The following PDE3B variants were observed in gnomAD, a reference collection of about 807,000 sequenced individuals.
The protein encoded by PDE3B is cGMP-inhibited 3',5'-cyclic phosphodiesterase 3B.
PDE3B carries 66 observed loss-of-function variants against 116.8 expected under a neutral mutation model. The ratio of observed to expected loss-of-function variants is 0.56; its 90% CI spans 0.46 to 0.69. The LOEUF is 0.69. PDE3B is among the 30% of genes least tolerant of loss of function. The pLI, the probability that PDE3B is intolerant of heterozygous loss-of-function variation, is 0.00. For synonymous variants in PDE3B, 595 were observed against 533.6 expected, an observed-to-expected ratio of 1.12 and a Z score of -1.59; for missense variants, 1,384 against 1,368.1, an observed-to-expected ratio of 1.01 and a Z score of -0.18.
intron 1 of PDE3B, among the ~76,000 whole-genome samples, chr11:14,684,521 G>A (rs542312471): frequency 2.0e-5 from 3 of 152,294 alleles, no homozygotes; most frequent in Admixed American, 6.5e-5. Context: ...AGCTGTGCAC[G>A]TATTATCTTG....
intron 7 of PDE3B, among the ~76,000 whole-genome samples, chr11:14,825,252 C>T (rs182547214): frequency 3.9e-5 from 6 of 152,270 alleles, no homozygotes; most frequent in African/African-American, 1.4e-4. Context: ...AACCAGGTAA[C>T]AGCACAATGA....
Position 14,644,625 on chromosome 11 carries a change from G to A in PDE3B, c.550G>A (p.Ala184Thr), listed in dbSNP as rs778669911. 1 of 1,524,344 alleles carries A rather than the reference G, an allele frequency of 6.6e-7. No homozygotes were observed. Among genetic ancestry groups the A allele is most frequent in the Admixed American group, 2.1e-5 (1 of 48,000 alleles). The allele number at this position is 1,524,344 out of a possible 1,614,324, so 94.4% of individuals were successfully genotyped here. ...WPWGDGDAGS[A>T]APHTPPEAAA... is the part of the protein sequence containing the mutation. Reference sequence around the variant, plus strand: ...TTGGGGGGATGGCGACGCAGGGTCCGCGGCCCCGCACACGCCCCCGGAGGC... The same window carrying A: ...TTGGGGGGATGGCGACGCAGGGTCCACGGCCCCGCACACGCCCCCGGAGGC... The change falls in exon 1 of 16, where the codon GCG becomes ACG. Residue 184 changes from alanine (A) to threonine (T), a missense_variant. This residue lies in a region of PDE3B where 956 missense variants were observed against 806.8 expected (regional missense o/e 1.18). Transcript: ENST00000282096.
At position 14,841,332 on chromosome 11, in the gene PDE3B, CCTCT is replaced by C. The variant is rs939289937; in HGVS notation, c.2321-2482_2321-2479del. Among the ~76,000 whole-genome samples the C allele has an allele frequency of 5.5e-5, 8 of 146,198 alleles. No homozygotes were observed. The East Asian group carries it at 5.9e-4, about 11-fold the overall frequency. ...CTTAAAATAAATCTCTCTCTCTCTC[CCTCT>C]CTCTCTCTCTCTATATATATATATA... On this transcript the variant is annotated intron_variant, in intron 11 of 15. Coordinates refer to ENST00000282096, the MANE Select transcript of PDE3B (RefSeq NM_000922.4).
Position 14,837,008 on chromosome 11 carries a change from T to C in PDE3B, c.2320+1913T>C, listed in dbSNP as rs528129731. Among the ~76,000 whole-genome samples the C allele has an allele frequency of 7.9e-5, 12 of 152,350 alleles. No individual in the cohort carries two copies. In the South Asian group the frequency reaches 2.5e-3, roughly 32 times the overall value. On this transcript the variant is annotated intron_variant, in intron 11 of 15. Coordinates refer to ENST00000282096, the MANE Select transcript of PDE3B (RefSeq NM_000922.4). Reference sequence around the variant, plus strand: ...TTTCGTATTTTAGTAGAGATGGGGTTTCACCATGTTGCCCAGGCTGGTCTG... The same window carrying C: ...TTTCGTATTTTAGTAGAGATGGGGTCTCACCATGTTGCCCAGGCTGGTCTG...
chr11:14,725,715 A>G (rs563102223), intron 1 of PDE3B, among the ~76,000 whole-genome samples: 28 of 149,688 alleles, frequency 1.9e-4, no homozygotes, highest in Admixed American at 3.4e-4. Context: ...TTTGTGCTCA[A>G]TATGATTACT....
chr11:14,883,008 A>G, the PDE3B span, among the ~76,000 whole-genome samples: 1 of 152,230 alleles, frequency 6.6e-6, no homozygotes, highest in African/African-American at 2.4e-5. Context: ...GGAGAACTAC[A>G]AACCACTGCT....
rs1306890181 is a variant in PDE3B, at chr11:14,858,175, T to C, written c.2521-868T>C. On this transcript the variant is annotated intron_variant, in intron 12 of 15. Coordinates refer to ENST00000282096, the MANE Select transcript of PDE3B (RefSeq NM_000922.4). ...AATATGTATCCTACCTGAGATCTCA[T>C]TCCGTCCTTCTTTCTCATTACACAG... Among the ~76,000 whole-genome samples, 7 of 152,158 alleles carry C rather than the reference T, an allele frequency of 4.6e-5. No homozygotes were observed. In the East Asian group the frequency reaches 1.3e-3, roughly 29 times the overall value.
intron 5 of PDE3B, among the ~76,000 whole-genome samples, chr11:14,808,523 GCTA>G (rs1455159806): frequency 6.6e-6 from 1 of 152,084 alleles, no homozygotes; most frequent in Admixed American, 6.6e-5. Context: ...ATAAAGTAAG[GCTA>G]CTTTTACTCA....
At chr11:14,779,901 T>C (rs1453336276) in intron 2 of PDE3B, among the ~76,000 whole-genome samples, 3 of 151,608 alleles carry the variant, frequency 2.0e-5, no homozygotes, top group East Asian at 3.9e-4. Context: ...GACCCATCAG[T>C]GTGCTGTATT....
chr11:14,738,062 A>C (rs770289506), intron 1 of PDE3B, among the ~76,000 whole-genome samples: 3 of 152,144 alleles, frequency 2.0e-5, no homozygotes, highest in Non-Finnish European at 4.4e-5. Context: ...TATTGTGAAT[A>C]GGGCCACAAT....
intron 3 of PDE3B, among the ~76,000 whole-genome samples, chr11:14,787,320 A>G (rs150260849): frequency 6.6e-6 from 1 of 152,036 alleles, no homozygotes; most frequent in East Asian, 1.9e-4. Flanking sequence ...TTATTTGACT[A>G]TTATCAGTAT....
At chr11:14,763,769 T>C (rs989226961) in intron 1 of PDE3B, among the ~76,000 whole-genome samples, 1 of 151,956 alleles carries the variant, frequency 6.6e-6, no homozygotes, top group Middle Eastern at 3.2e-3. Flanking sequence ...AAAAACAAGG[T>C]CTAGGTAGAT....
chr11:14,644,411 G>A lies in PDE3B; in HGVS notation c.336G>A (p.Leu112=), dbSNP rs372493524. The change falls in exon 1 of 16, where the codon CTG becomes CTA. Residue 112 remains leucine (L), a synonymous_variant. Coordinates refer to ENST00000282096, the MANE Select transcript of PDE3B (RefSeq NM_000922.4). ...GGGCCGCCTGGCTGCGGACGCTGCTGAGCGTGTGTTCGCACAGCTTGAGCC... is the reference window on the plus strand; with the variant it reads ...GGGCCGCCTGGCTGCGGACGCTGCTAAGCGTGTGTTCGCACAGCTTGAGCC... ...AAGAAWLRTL[L]SVCSHSLSPL... 1 of 1,609,890 alleles carries A rather than the reference G, an allele frequency of 6.2e-7. No individual in the cohort carries two copies. The highest frequency in any genetic ancestry group is 1.7e-5 in the Admixed American group (1 of 59,706).
At position 14,869,574 on chromosome 11, in the gene PDE3B, G is replaced by A; in HGVS notation, c.3253G>A (p.Asp1085Asn). 6.2e-7 allele frequency: 1 copy of A among 1,613,922 alleles called. No individual in the cohort carries two copies. Among genetic ancestry groups the A allele is most frequent in the Non-Finnish European group, 8.5e-7 (1 of 1,179,962 alleles). ...AGAGGAAGAAGAAAAATGTAAAGCTGATGGGAATAAACTGCAGGTGGAGAA... is the reference window on the plus strand; with the variant it reads ...AGAGGAAGAAGAAAAATGTAAAGCTAATGGGAATAAACTGCAGGTGGAGAA... Reference protein sequence around the residue: ...IVEEEEKCKADGNKLQVENSS... With the variant: ...IVEEEEKCKANGNKLQVENSS... Residue 1085 changes from aspartate to asparagine, a missense_variant, in exon 16 of 16, where the codon GAT becomes AAT. Around this residue, in one of 2 missense-constraint regions of PDE3B, gnomAD observed 428 missense variants for 561.4 expected, o/e 0.76. Transcript: ENST00000282096.
the PDE3B span, among the ~76,000 whole-genome samples, chr11:14,877,048 T>C: frequency 6.6e-6 from 1 of 152,168 alleles, no homozygotes; most frequent in Non-Finnish European, 1.5e-5. Flanking sequence ...GTGCACTGAC[T>C]CTGAGGCTGC....
At chr11:14,779,898 C>T (rs1196078092) in intron 2 of PDE3B, among the ~76,000 whole-genome samples, 1 of 151,688 alleles carries the variant, frequency 6.6e-6, no homozygotes, top group Non-Finnish European at 1.5e-5. Context: ...AAAGACCCAT[C>T]AGTGTGCTGT....
intron 7 of PDE3B, among the ~76,000 whole-genome samples, chr11:14,821,374 G>A (rs1005616601): frequency 1.3e-5 from 2 of 152,166 alleles, no homozygotes; most frequent in African/African-American, 2.4e-5. Context: ...CTTGATAGAG[G>A]AGTGACAAGA....
At chr11:14,781,443 A>G (rs1857996766) in intron 2 of PDE3B, among the ~76,000 whole-genome samples, 2 of 152,246 alleles carry the variant, frequency 1.3e-5, no homozygotes, top group East Asian at 1.9e-4. Flanking sequence ...CCAGCAGCAC[A>G]TCAAAAAGCT....
At chr11:14,710,743 A>G (rs2133827854) in intron 1 of PDE3B, among the ~76,000 whole-genome samples, 1 of 152,260 alleles carries the variant, frequency 6.6e-6, no homozygotes, top group Non-Finnish European at 1.5e-5. Flanking sequence ...ACTGAGGGAG[A>G]TCCAGTTCCA....
Sources: allele counts gnomAD v4.1 joint callset (sites outside exome capture counted in the v4.1 genomes callset), GRCh38; gene constraint gnomAD v4.1.1; regional missense constraint gnomAD v4.1.1; transcripts MANE v1.5; gene names NCBI Gene and HGNC (gene_info 2026-07-23, HGNC 2026-07-21).